Variants in CERT1 observed in about 807,000 individuals in gnomAD.
CERT1 encodes the protein ceramide transfer protein.
Under a neutral mutation model 87.9 loss-of-function variants are expected in CERT1, and 31 were observed. The observed-to-expected ratio is 0.35, with a 90% CI of 0.27 to 0.48. CERT1 has a LOEUF of 0.48. Among genes scored for constraint, CERT1 ranks in the 20% least tolerant of loss-of-function variants. The pLI is 0.99. For synonymous variants in CERT1, 289 were observed against 250.9 expected (o/e 1.15, Z -1.44); for missense variants, 487 against 758.0 (o/e 0.64, Z 4.20).
At chr5:75,465,011 G>GCT (rs1765400777) in intron 2 of CERT1, among the ~76,000 whole-genome samples, 1 of 152,140 alleles carries the variant, frequency 6.6e-6, no homozygotes, top group Non-Finnish European at 1.5e-5. Flanking sequence ...TGGAGTTTTA[G>GCT]CTCTCTCACA....
chr5:75,386,876 T>A (rs942045099), intron 12 of CERT1, among the ~76,000 whole-genome samples: 2 of 152,206 alleles, frequency 1.3e-5, no homozygotes, highest in African/African-American at 4.8e-5. Flanking sequence ...CTATTCTTTT[T>A]TGTTTTTTGA....
chr5:75,456,240 A>G (rs1315760413), intron 3 of CERT1, among the ~76,000 whole-genome samples: 1 of 152,224 alleles, frequency 6.6e-6, no homozygotes, highest in Non-Finnish European at 1.5e-5. Flanking sequence ...CATATTCTAA[A>G]TATGAATTCA....
At chr5:75,404,305 A>C (rs956208178) in intron 8 of CERT1, among the ~76,000 whole-genome samples, 18 of 151,764 alleles carry the variant, frequency 1.2e-4, no homozygotes, top group African/African-American at 3.1e-4. Flanking sequence ...AAAAAAAAAA[A>C]AAAAAAAAAC....
chr5:75,440,691 C>A (rs2112243016), intron 3 of CERT1, among the ~76,000 whole-genome samples: 1 of 152,134 alleles, frequency 6.6e-6, no homozygotes, highest in East Asian at 1.9e-4. Context: ...CAATGACTTA[C>A]CTAACTCAGG....
At chr5:75,483,947 T>C (rs925494810) in intron 2 of CERT1, among the ~76,000 whole-genome samples, 5 of 151,984 alleles carry the variant, frequency 3.3e-5, no homozygotes, top group African/African-American at 9.7e-5. Context: ...AACACCTTAA[T>C]TGTGGTGTGT....
At chr5:75,429,791 T>G (rs911966100) in intron 3 of CERT1, among the ~76,000 whole-genome samples, 2 of 148,858 alleles carry the variant, frequency 1.3e-5, no homozygotes, top group Admixed American at 6.8e-5. Context: ...CAGTGTTAAG[T>G]GCTGAAAAGC....
chr5:75,404,191 T>C (rs1267700616), intron 8 of CERT1, among the ~76,000 whole-genome samples: 2 of 150,502 alleles, frequency 1.3e-5, no homozygotes, highest in African/African-American at 4.9e-5. Context: ...GGGTGGGAGG[T>C]ATGGGGTCAC....
intron 14 of CERT1, among the ~76,000 whole-genome samples, chr5:75,382,314 T>C (rs975124304): frequency 3.3e-5 from 5 of 152,200 alleles, no homozygotes; most frequent in African/African-American, 9.6e-5. Flanking sequence ...CACGTATAAT[T>C]TGTCATTTTA....
At chr5:75,392,316 C>T (rs1354394039) in intron 11 of CERT1, among the ~76,000 whole-genome samples, 2 of 152,184 alleles carry the variant, frequency 1.3e-5, no homozygotes, top group Non-Finnish European at 2.9e-5. Flanking sequence ...AACAGCTACA[C>T]TGCATCAATG....
chr5:75,464,794 T>G (rs1765391819), intron 2 of CERT1, among the ~76,000 whole-genome samples: 1 of 152,160 alleles, frequency 6.6e-6, no homozygotes, highest in South Asian at 2.1e-4. Flanking sequence ...CAGGCCCTGG[T>G]CTCGAGCTCC....
At chr5:75,427,144 G>A (rs534333178) in intron 3 of CERT1, among the ~76,000 whole-genome samples, 76 of 152,224 alleles carry the variant, frequency 5.0e-4, no homozygotes, top group African/African-American at 1.7e-3. Flanking sequence ...AACTGATGGG[G>A]ATGATACTCT....
At chr5:75,376,606 C>G (rs1463793683), downstream of CERT1, 3 of 152,172 alleles carry the variant, frequency 2.0e-5, no homozygotes, top group Non-Finnish European at 1.5e-5. Flanking sequence ...CTAGCTATAA[C>G]AATTCTAAAG....
chr5:75,373,714 T>C (rs1360188326), downstream of CERT1: 3 of 181,078 alleles, frequency 1.7e-5, no homozygotes, highest in East Asian at 2.7e-4. Flanking sequence ...GATTTGACTG[T>C]AGGCCTGAAA....
rs199971256 is a variant in CERT1, at chr5:75,416,859, A to C, written c.837+17T>G. On this transcript the variant is annotated intron_variant, in intron 7 of 16. Transcript: ENST00000643780. The stretch of plus-strand genomic sequence containing the variant: ...TTAAATGTGATTATTTTTAAAAGGA[A>C]AAAAACCTAGTCTTACCTTATCCAG... 602 of 1,569,734 alleles carry C rather than the reference A, an allele frequency of 3.8e-4. 3 individuals are homozygous for C. The highest frequency in any genetic ancestry group is 1.9e-3 in the Middle Eastern group (11 of 5,842).
intron 4 of CERT1, 33 bp downstream of exon 4, chr5:75,426,338 T>C: frequency 1.4e-6 from 2 of 1,435,470 alleles, no homozygotes; most frequent in Non-Finnish European, 2.0e-6. Context: ...TCAATTTATG[T>C]TGTTTAACTT....
intron 1 of CERT1, among the ~76,000 whole-genome samples, chr5:75,510,595 ACATT>A (rs1045664082): frequency 2.6e-5 from 4 of 152,140 alleles, no homozygotes; most frequent in African/African-American, 9.7e-5. Context: ...AAAGTCCTCC[ACATT>A]CATCTGTCTC....
At chr5:75,368,683 G>T (rs1282594905) in intron 17 of CERT1, 1 of 152,170 alleles carries the variant, frequency 6.6e-6, no homozygotes, top group Non-Finnish European at 1.5e-5. Context: ...GAAAGTTTAA[G>T]CACCTAATTG....
chr5:75,383,179 T>C (rs1270855992), intron 14 of CERT1, among the ~76,000 whole-genome samples: 2 of 151,928 alleles, frequency 1.3e-5, no homozygotes, highest in African/African-American at 2.4e-5. Flanking sequence ...ATAGTGTGAG[T>C]GGTATAGTTA....
In CERT1 at chr5:75,460,530, A is replaced by C. The variant is rs552933841; in HGVS notation, c.232-1349T>G. Among the ~76,000 whole-genome samples the C allele has an allele frequency of 6.6e-5, 10 of 152,366 alleles. No individual in the cohort carries two copies. The East Asian group carries it at 1.9e-3, about 29-fold the overall frequency. On this transcript the variant is annotated intron_variant, in intron 2 of 16. Coordinates refer to ENST00000643780, the MANE Select transcript of CERT1 (RefSeq NM_001379029.1). ...TCCTTGTTTTTAATCTCAATAAATG[A>C]ATTAAAATATGACAGGAATACATCA...
Sources: allele counts gnomAD v4.1 joint callset (sites outside exome capture counted in the v4.1 genomes callset), GRCh38; gene constraint gnomAD v4.1.1; transcripts MANE v1.5; gene names NCBI Gene and HGNC (gene_info 2026-07-23, HGNC 2026-07-21).